The following P2RY12 variants were observed in gnomAD, a reference collection of about 807,000 sequenced individuals.
P2RY12 encodes P2Y purinoceptor 12.
P2RY12 carries 3 observed loss-of-function variants against 4.5 expected under a neutral mutation model. The ratio of observed to expected loss-of-function variants is 0.67; its 90% confidence interval spans 0.31 to 1.74. The LOEUF is 1.74. Among genes scored for constraint, P2RY12 ranks in the 40% most tolerant of loss-of-function variants. P2RY12 has a pLI of 0.09. For synonymous variants in P2RY12, 148 were observed against 154.1 expected (o/e 0.96, Z 0.29); for missense variants, 356 against 407.8 (o/e 0.87, Z 1.09).
At chr3:151,368,292 T>A in intron 1 of P2RY12, 1 of 1,547,512 alleles carries the variant, frequency 6.5e-7, no homozygotes, top group African/African-American at 1.4e-5. Flanking sequence ...TTTTCATTGG[T>A]AGCTAAAGTT....
At chr3:151,340,076 G>A (rs1751618072) in intron 2 of P2RY12, among the ~76,000 whole-genome samples, 2 of 152,090 alleles carry the variant, frequency 1.3e-5, no homozygotes, top group African/African-American at 2.4e-5. Context: ...GAATCATGTT[G>A]TCACAGTATG....
intron 1 of P2RY12, chr3:151,380,278 T>G (rs1712017334): frequency 1.6e-6 from 2 of 1,213,292 alleles, no homozygotes; most frequent in African/African-American, 3.1e-5. Flanking sequence ...CGGCATTCAT[T>G]TATTTGCCTT....
At chr3:151,368,580 A>G (rs1755573556) in intron 1 of P2RY12, among the ~76,000 whole-genome samples, 1 of 151,106 alleles carries the variant, frequency 6.6e-6, no homozygotes, top group Non-Finnish European at 1.5e-5. Context: ...GCTTAGGGCA[A>G]TGGTGATTTA....
chr3:151,360,622 C>G (rs751318708), intron 1 of P2RY12: 3 of 1,602,748 alleles, frequency 1.9e-6, no homozygotes, highest in South Asian at 2.2e-5. Flanking sequence ...AGAAGAGACT[C>G]AAAAGGACAG....
chr3:151,360,417 T>A, intron 1 of P2RY12: 1 of 1,526,480 alleles, frequency 6.6e-7, no homozygotes, highest in Non-Finnish European at 8.9e-7. Context: ...AAGAGTCAAA[T>A]GATAACCCAC....
At position 151,350,642 on chromosome 3, in the gene P2RY12, T is replaced by C. The variant is rs1252856126; in HGVS notation, c.-179-9882A>G. Among the ~76,000 whole-genome samples, 5 of 152,326 alleles carry C rather than the reference T, an allele frequency of 3.3e-5. No individual in the cohort carries two copies. In the East Asian group the frequency reaches 9.6e-4, roughly 29 times the overall value. ...TTCTGGGGCACTCACATTTGCATGT[T>C]AATTGAAAATCATGACAGCATATTT... On this transcript the variant is annotated intron_variant, in intron 1 of 2. Transcript: ENST00000302632.
chr3:151,349,920 T>C lies in P2RY12; in HGVS notation c.-179-9160A>G, dbSNP rs1249059417. 5.3e-6 allele frequency: 3 copies of C among 565,290 alleles called. No homozygotes were observed. The Admixed American group carries it at 9.0e-5, about 17-fold the overall frequency. The allele number at this position is 565,290 out of a possible 1,614,324, so 35.0% of individuals were successfully genotyped here. A position where few individuals can be genotyped will look rare whatever the true frequency, so the allele number is the denominator to read the frequency against. On this transcript the variant is annotated intron_variant, in intron 1 of 2. Coordinates refer to ENST00000302632, the MANE Select transcript of P2RY12 (RefSeq NM_022788.5). ...AAAACAAGGGTGTTGCCAGTGGAGG[T>C]TGAGGTGAATTGAAGGGAGGGCGGG...
chr3:151,377,337 GGTGAA>G (rs1756968783), intron 1 of P2RY12, among the ~76,000 whole-genome samples: 1 of 152,124 alleles, frequency 6.6e-6, no homozygotes, highest in South Asian at 2.1e-4. Context: ...GTAAAGCTGG[GGTGAA>G]TGATAGCTTC....
At chr3:151,357,137 A>C in intron 1 of P2RY12, 5 of 1,270,192 alleles carry the variant, frequency 3.9e-6, no homozygotes, top group Non-Finnish European at 2.2e-6. Flanking sequence ...CAGTATATCT[A>C]TGGTTTATAA....
chr3:151,347,237 T>C (rs1438613507), intron 1 of P2RY12, among the ~76,000 whole-genome samples: 2 of 152,204 alleles, frequency 1.3e-5, no homozygotes, highest in African/African-American at 4.8e-5. Flanking sequence ...ACAAAACTAA[T>C]TTTTCTCCTT....
chr3:151,368,629 TATTTCATTTCATTTCATTTCATTTC>T lies in P2RY12; in HGVS notation c.-180+16038_-180+16062del, dbSNP rs1159385723. ...TATTTTATTTTATTTTATTTTATTT[TATTTCATTTCATTTCATTTCATTTC>T]ATTTCATTTCATTTCATTTCATGTC... On this transcript the variant is annotated intron_variant, in intron 1 of 2. Transcript: ENST00000302632. Among the ~76,000 whole-genome samples the T allele has an allele frequency of 3.7e-4, 34 of 92,902 alleles. 1 individual carries two copies. In the East Asian group the frequency reaches 6.1e-3, roughly 17 times the overall value. The allele number at this position is 92,902 out of a possible 152,430, so 60.9% of individuals were successfully genotyped here.
chr3:151,348,138 A>G (rs1467509788), intron 1 of P2RY12, among the ~76,000 whole-genome samples: 2 of 152,162 alleles, frequency 1.3e-5, no homozygotes, highest in African/African-American at 4.8e-5. Flanking sequence ...TCTTGCCTCA[A>G]ATAGATATTC....
At chr3:151,377,544 C>A (rs1256029488) in intron 1 of P2RY12, among the ~76,000 whole-genome samples, 1 of 152,092 alleles carries the variant, frequency 6.6e-6, no homozygotes, top group Admixed American at 6.6e-5. Flanking sequence ...GAATTAGAAC[C>A]AGTAGGCATA....
At chr3:151,354,140 C>CAAAAAAAA (rs63033360) in intron 1 of P2RY12, among the ~76,000 whole-genome samples, 65 of 62,830 alleles carry the variant, frequency 1.0e-3, no homozygotes, top group East Asian at 2.3e-3. Flanking sequence ...GACTCCGTCT[C>CAAAAAAAA]AAAAAAAAAA....
At chr3:151,369,637 T>C (rs1292876509) in intron 1 of P2RY12, 6 of 835,260 alleles carry the variant, frequency 7.2e-6, no homozygotes, top group Non-Finnish European at 1.1e-5. Context: ...CTAGTAGTAT[T>C]ATTGGAAACA....
intron 1 of P2RY12, among the ~76,000 whole-genome samples, chr3:151,375,314 G>A (rs989493082): frequency 2.0e-5 from 3 of 152,108 alleles, no homozygotes; most frequent in Admixed American, 2.0e-4. Flanking sequence ...AATAGATCTG[G>A]GTTCAAATTG....
intron 1 of P2RY12, chr3:151,376,359 T>C (rs1271220126): frequency 1.5e-6 from 1 of 656,870 alleles, no homozygotes; most frequent in Non-Finnish European, 2.3e-6. Flanking sequence ...GGAATTGACA[T>C]ACTTTATTTT....
At chr3:151,348,603 C>A (rs1204660317) in intron 1 of P2RY12, among the ~76,000 whole-genome samples, 5 of 148,374 alleles carry the variant, frequency 3.4e-5, no homozygotes, top group African/African-American at 1.0e-4. Flanking sequence ...CAAATTTGAA[C>A]ACCTGAAACA....
Position 151,337,928 on chromosome 3 carries a change from T to G in P2RY12, c.918A>C (p.Arg306Ser), listed in dbSNP as rs1448402312. ...FIYFFLCKSF[R>S]NSLISMLKCP... ...ACTTCAGCATACTTATCAAGGAATTTCTGAAGGACTTGCAAAGGAAAAAAT... is the reference window on the plus strand; with the variant it reads ...ACTTCAGCATACTTATCAAGGAATTGCTGAAGGACTTGCAAAGGAAAAAAT... The change falls in exon 3 of 3, where the codon AGA (arginine) becomes AGC (serine). Residue 306 changes from arginine (R) to serine (S), a missense_variant. By Grantham distance (110) the Arg-to-Ser change is moderately radical (BLOSUM62 -1). Coordinates refer to ENST00000302632, the MANE Select transcript of P2RY12 (RefSeq NM_022788.5). 7 of 1,614,020 alleles carry G rather than the reference T, an allele frequency of 4.3e-6. No individual in the cohort carries two copies. The African/African-American group carries it at 8.0e-5, about 18-fold the overall frequency.
Sources: allele counts gnomAD v4.1 joint callset (sites outside exome capture counted in the v4.1 genomes callset), GRCh38; gene constraint gnomAD v4.1.1; transcripts MANE v1.5; gene names NCBI Gene and HGNC (gene_info 2026-07-23, HGNC 2026-07-21).